The following TPMT variants were observed in gnomAD, a reference collection of about 807,000 sequenced individuals.
TPMT encodes S-adenosyl-L-methionine:thiopurine S-methyltransferase.
In TPMT, 18 loss-of-function variants were observed where a neutral mutation model predicts 34.2. That is an observed-to-expected ratio of 0.53 (90% CI 0.36 to 0.78). TPMT has a LOEUF of 0.78. Among genes scored for constraint, TPMT ranks in the 30% least tolerant of loss-of-function variants. The probability of loss-of-function intolerance (pLI) is 0.00; values close to 1 mark genes in which losing one functional copy is unlikely to be tolerated. For missense variants in TPMT, 265 were observed against 288.1 expected, an observed-to-expected ratio of 0.92 and a Z score of 0.58; for synonymous variants, 69 against 92.4, an observed-to-expected ratio of 0.75 and a Z score of 1.45.
chr6:18,144,728 A>T (rs6459597), intron 3 of TPMT, among the ~76,000 whole-genome samples: 86,134 of 149,194 alleles, frequency 0.58, 25,103 homozygotes, highest in African/African-American at 0.7. Flanking sequence ...CTCAAAAAAA[A>T]TTTTTTTTTT....
At chr6:18,151,962 C>T (rs1045867488) in intron 1 of TPMT, among the ~76,000 whole-genome samples, 3 of 152,204 alleles carry the variant, frequency 2.0e-5, no homozygotes, top group Non-Finnish European at 4.4e-5. Context: ...TGTATCATAT[C>T]TTCTCAGTCT....
Position 18,139,943 on chromosome 6 carries a change from C to A in TPMT, c.367-226G>T, listed in dbSNP as rs1378268994. 1.3e-5 allele frequency among the ~76,000 whole-genome samples: 2 copies of A among 152,062 alleles called. No homozygotes were observed. Among genetic ancestry groups the A allele is most frequent in the Non-Finnish European group, 2.9e-5 (2 of 68,022 alleles). ...CTCAGAGGAATATCACAGAGGACAA[C>A]TTTGAAGATCAGTTGGCTGTTACTC... is the stretch of plus-strand genomic sequence containing the variant. On this transcript the variant is annotated intron_variant, in intron 4 of 8. Transcript: ENST00000309983. This position sits in a 1 kb window ranked among gnomAD's most constrained non-coding sequence, Gnocchi z 4.2.
chr6:18,129,097 T>C lies in TPMT; in HGVS notation c.*1571A>G. On this transcript the variant is annotated 3_prime_UTR_variant, in exon 9 of 9. Transcript: ENST00000309983. Reference sequence around the variant, plus strand: ...CTACATAAAAGTAAAATCAAAAGTCTCTGGAGAGAATTGTGTTGGTCCAGC... The same window carrying C: ...CTACATAAAAGTAAAATCAAAAGTCCCTGGAGAGAATTGTGTTGGTCCAGC... 1 of 152,304 alleles carries C rather than the reference T, an allele frequency of 6.6e-6. No homozygotes were observed. The highest frequency in any genetic ancestry group is 1.5e-5 in the Non-Finnish European group (1 of 68,064). 9.4% of individuals were successfully genotyped at this position (152,304 alleles called of 1,614,324 possible).
In TPMT at chr6:18,146,733, T is replaced by G. The variant is rs1784254250; in HGVS notation, c.233+1090A>C. On this transcript the variant is annotated intron_variant, in intron 3 of 8. Coordinates refer to ENST00000309983, the MANE Select transcript of TPMT (RefSeq NM_000367.5). The surrounding 1 kb of genome is among the most constrained non-coding windows in gnomAD (Gnocchi z 6.2). ...GGTTAAAATATATGTCATAATATAG[T>G]TTAAATATTCTCAATTTCATGACCA... Among the ~76,000 whole-genome samples, 1 of 152,134 alleles carries G rather than the reference T, an allele frequency of 6.6e-6. No individual in the cohort carries two copies. Among genetic ancestry groups the G allele is most frequent in the Non-Finnish European group, 1.5e-5 (1 of 68,024 alleles).
At chr6:18,134,183 T>C (rs969026720) in intron 6 of TPMT, among the ~76,000 whole-genome samples, 1 of 152,180 alleles carries the variant, frequency 6.6e-6, no homozygotes, top group Non-Finnish European at 1.5e-5. Flanking sequence ...CCTTCTGGCC[T>C]GATGAGGTAC....
rs997240536 is a variant in TPMT at position 18,145,643 on chromosome 6, C to T, written c.234-1915G>A. Among the ~76,000 whole-genome samples, 1 of 152,188 alleles carries T rather than the reference C, an allele frequency of 6.6e-6. No homozygotes were observed. On this transcript the variant is annotated intron_variant, in intron 3 of 8. Coordinates refer to ENST00000309983, the MANE Select transcript of TPMT (RefSeq NM_000367.5). This position sits in a 1 kb window ranked among gnomAD's most constrained non-coding sequence, Gnocchi z 5.6. ...TTTAGTTGTAAAATGAAACATATAA[C>T]TTGTCTTTCATCTTTCGTATTTCTT...
Position 18,143,700 on chromosome 6 carries a change from C to A in TPMT, c.262G>T (p.Gly88Cys), listed in dbSNP as rs753545734. 2.5e-6 allele frequency: 4 copies of A among 1,613,904 alleles called. No homozygotes were observed. Among genetic ancestry groups the A allele is most frequent in the Non-Finnish European group, 3.4e-6 (4 of 1,180,006 alleles). Residue 88 changes from glycine (G) to cysteine (C), a missense_variant, in exon 4 of 9, where the codon GGT becomes TGT. Gly to Cys is a radical substitution (Grantham distance 159, BLOSUM62 -3). Coordinates refer to ENST00000309983, the MANE Select transcript of TPMT (RefSeq NM_000367.5). This position sits in a 1 kb window ranked among gnomAD's most constrained non-coding sequence, Gnocchi z 6.1. ...ATCCCAAGTTCACTGATTTCCACAC[C>A]AACTACACTGTGTCCCCGGTCTGCA... is the stretch of plus-strand genomic sequence containing the variant. Reference protein sequence around the residue: ...WFADRGHSVVGVEISELGIQE... With the variant: ...WFADRGHSVVCVEISELGIQE...
Position 18,145,289 on chromosome 6 carries a change from T to C in TPMT, c.234-1561A>G, listed in dbSNP as rs75672602. Among the ~76,000 whole-genome samples, 209 of 152,262 alleles carry C rather than the reference T, an allele frequency of 1.4e-3. No individual in the cohort carries two copies. Among genetic ancestry groups the C allele is most frequent in the African/African-American group, 4.8e-3 (200 of 41,540 alleles). Reference sequence around the variant, plus strand: ...AACCTAATAATAACAGTTTTATACATGTTAAATGGTTGAGAAATAGATAAA... The same window carrying C: ...AACCTAATAATAACAGTTTTATACACGTTAAATGGTTGAGAAATAGATAAA... On this transcript the variant is annotated intron_variant, in intron 3 of 8. Transcript: ENST00000309983. This position sits in a 1 kb window ranked among gnomAD's most constrained non-coding sequence, Gnocchi z 5.6.
At position 18,129,753 on chromosome 6, in the gene TPMT, T is replaced by C. The variant is rs1431180160; in HGVS notation, c.*915A>G. 3 of 152,200 alleles carry C rather than the reference T, an allele frequency of 2.0e-5. No individual in the cohort carries two copies. In the East Asian group the frequency reaches 5.8e-4, roughly 29 times the overall value. 9.4% of individuals were successfully genotyped at this position (152,200 alleles called of 1,614,324 possible). ...AATTTATTCTTAGAATTTGGGAATG[T>C]TTGTTCCATATAGATTGTTTAATTA... On this transcript the variant is annotated 3_prime_UTR_variant, in exon 9 of 9. Coordinates refer to ENST00000309983, the MANE Select transcript of TPMT (RefSeq NM_000367.5).
At chr6:18,142,164 C>G (rs1784154739) in intron 4 of TPMT, among the ~76,000 whole-genome samples, 1 of 152,236 alleles carries the variant, frequency 6.6e-6, no homozygotes, top group East Asian at 1.9e-4. Context: ...GAAGTCCCCT[C>G]TCTCTCACTA....
At position 18,149,014 on chromosome 6, in the gene TPMT, AGTCTTGCCGTTCACCCACTT is replaced by A. The variant is rs1561892355; in HGVS notation, c.94_113del (p.Lys32CysfsTer20). The A allele has an allele frequency of 6.2e-7, 1 of 1,614,024 alleles. No individual in the cohort carries two copies. The highest frequency in any genetic ancestry group is 1.1e-5 in the South Asian group (1 of 91,080). ...GATGTCCTTGTTCCTGATGAAAAGC[AGTCTTGCCGTTCACCCACTT>A]GTCTTGCCATTCTTCCAGAGTTAGT... On this transcript the variant is annotated frameshift_variant, in exon 2 of 9. Coordinates refer to ENST00000309983, the MANE Select transcript of TPMT (RefSeq NM_000367.5). LOFTEE classifies it high-confidence loss of function. This position sits in a 1 kb window ranked among gnomAD's most constrained non-coding sequence, Gnocchi z 5.0.
rs1784103411 is a variant in TPMT, at chr6:18,139,558, G to T, written c.419+107C>A. 3.4e-6 allele frequency: 3 copies of T among 884,782 alleles called. No homozygotes were observed. Among genetic ancestry groups the T allele is most frequent in the Non-Finnish European group, 5.6e-6 (3 of 534,608 alleles). 54.8% of individuals were successfully genotyped at this position (884,782 alleles called of 1,614,324 possible). The stretch of plus-strand genomic sequence containing the variant: ...CAGACATTCAAAAAAATGCTTTGTG[G>T]ATGTTACACAGGAGGAAGAGAGTGA... On this transcript the variant is annotated intron_variant, in intron 5 of 8. Transcript: ENST00000309983. This position sits in a 1 kb window ranked among gnomAD's most constrained non-coding sequence, Gnocchi z 4.2.
In TPMT at chr6:18,143,984, A is replaced by C. The variant is rs1225332135; in HGVS notation, c.234-256T>G. ...ATATATATCTTTTTTTATGTATGAAACAGTTGGAATGTAATTATAGATATA... is the reference window on the plus strand; with the variant it reads ...ATATATATCTTTTTTTATGTATGAACCAGTTGGAATGTAATTATAGATATA... On this transcript the variant is annotated intron_variant, in intron 3 of 8. Transcript: ENST00000309983. The surrounding 1 kb of genome is among the most constrained non-coding windows in gnomAD (Gnocchi z 6.1). Among the ~76,000 whole-genome samples, 5 of 152,178 alleles carry C rather than the reference A, an allele frequency of 3.3e-5. No individual in the cohort carries two copies. The highest frequency in any genetic ancestry group is 7.3e-5 in the Non-Finnish European group (5 of 68,036).
Position 18,131,296 on chromosome 6 carries a change from C to A in TPMT, c.626-516G>T, listed in dbSNP as rs1783934987. On this transcript the variant is annotated intron_variant, in intron 8 of 8. Coordinates refer to ENST00000309983, the MANE Select transcript of TPMT (RefSeq NM_000367.5). This position sits in a 1 kb window ranked among gnomAD's most constrained non-coding sequence, Gnocchi z 4.3. Reference sequence around the variant, plus strand: ...ACTCCCAAGAGTAAAAATAAATACACCACTGGGCATGGCGGCTCATGCCTC... The same window carrying A: ...ACTCCCAAGAGTAAAAATAAATACAACACTGGGCATGGCGGCTCATGCCTC... Among the ~76,000 whole-genome samples the A allele has an allele frequency of 6.6e-6, 1 of 152,114 alleles. No homozygotes were observed.
intron 7 of TPMT, among the ~76,000 whole-genome samples, chr6:18,133,309 A>G (rs1420785194): frequency 6.6e-6 from 1 of 152,210 alleles, no homozygotes; most frequent in Non-Finnish European, 1.5e-5. Flanking sequence ...AAACAAATAA[A>G]AGAATGCAAT....
At position 18,140,429 on chromosome 6, in the gene TPMT, C is replaced by T. The variant is rs544328048; in HGVS notation, c.367-712G>A. On this transcript the variant is annotated intron_variant, in intron 4 of 8. Transcript: ENST00000309983. The surrounding 1 kb of genome is among the most constrained non-coding windows in gnomAD (Gnocchi z 4.7). ...TTTTGGCCAGGTGTGGCAGCTTACA[C>T]CTGTAATTCCAGCACTTTGGGAGGC... 6.6e-6 allele frequency among the ~76,000 whole-genome samples: 1 copy of T among 152,258 alleles called. No homozygotes were observed. Among genetic ancestry groups the T allele is most frequent in the South Asian group, 2.1e-4 (1 of 4,820 alleles).
rs1370436015 is a variant in TPMT at position 18,136,806 on chromosome 6, G to A, written c.494+2157C>T. ...GCCTGGGCAACAAGAGCGAAACTCT[G>A]TCTCGAAAAAAAAGATTTGATTTTT... On this transcript the variant is annotated intron_variant, in intron 6 of 8. Transcript: ENST00000309983. This position sits in a 1 kb window ranked among gnomAD's most constrained non-coding sequence, Gnocchi z 4.7. Among the ~76,000 whole-genome samples, 3 of 151,308 alleles carry A rather than the reference G, an allele frequency of 2.0e-5. No individual in the cohort carries two copies. Among genetic ancestry groups the A allele is most frequent in the Non-Finnish European group, 2.9e-5 (2 of 67,944 alleles).
At position 18,154,041 on chromosome 6, in the gene TPMT, C is replaced by T. The variant is rs1233225259; in HGVS notation, c.-45+992G>A. 2.6e-5 allele frequency among the ~76,000 whole-genome samples: 4 copies of T among 152,152 alleles called. No individual in the cohort carries two copies. Among genetic ancestry groups the T allele is most frequent in the African/African-American group, 9.7e-5 (4 of 41,442 alleles). ...CAAGCGATCCTCTCACTTCAACCTC[C>T]TGAGTACCTGGGACTATAAGGGTGC... On this transcript the variant is annotated intron_variant, in intron 1 of 8. Transcript: ENST00000309983. The surrounding 1 kb of genome is among the most constrained non-coding windows in gnomAD (Gnocchi z 4.2).
rs1189904060 is a variant in TPMT at position 18,136,645 on chromosome 6, T to C, written c.494+2318A>G. Among the ~76,000 whole-genome samples, 1 of 152,052 alleles carries C rather than the reference T, an allele frequency of 6.6e-6. No individual in the cohort carries two copies. Among genetic ancestry groups the C allele is most frequent in the Non-Finnish European group, 1.5e-5 (1 of 68,002 alleles). On this transcript the variant is annotated intron_variant, in intron 6 of 8. Transcript: ENST00000309983. The surrounding 1 kb of genome is among the most constrained non-coding windows in gnomAD (Gnocchi z 4.7). ...CAACATGGAGAAACCCCGTCTCTAC[T>C]AAAAATACAAAAAAATTAGCCGGGT...
Sources: gnomAD v4.1 joint callset for allele counts (sites outside exome capture counted in the v4.1 genomes callset) on GRCh38, gnomAD v4.1.1 for gene constraint, Gnocchi (gnomAD v3.1) non-coding constraint, MANE v1.5 for transcripts, NCBI Gene and HGNC (gene_info 2026-07-23, HGNC 2026-07-21) for gene names.